BRCA1: variants seen among roughly 807,000 people sequenced by gnomAD.
The protein encoded by BRCA1 is breast cancer type 1 susceptibility protein.
BRCA1 carries 140 observed loss-of-function variants against 173.7 expected under a neutral mutation model. That is an observed-to-expected ratio of 0.81 (90% confidence interval 0.70 to 0.93). BRCA1 has a LOEUF of 0.93. BRCA1 is among the 40% of genes least tolerant of loss of function. The probability of loss-of-function intolerance (pLI) is 0.00; values close to 1 mark genes in which losing one functional copy is unlikely to be tolerated. For missense variants in BRCA1, 1,983 were observed against 2,172.5 expected, an observed-to-expected ratio of 0.91 and a Z score of 1.73; for synonymous variants, 662 against 756.0, an observed-to-expected ratio of 0.88 and a Z score of 2.04.
At chr17:43,153,322 AATT>A (rs779494548) in intron 1 of BRCA1, among the ~76,000 whole-genome samples, 6 of 152,208 alleles carry the variant, frequency 3.9e-5, no homozygotes, top group African/African-American at 1.4e-4. Flanking sequence ...GTCCTTTAAA[AATT>A]AACTGCCTGT....
intron 16 of BRCA1, among the ~76,000 whole-genome samples, chr17:43,066,270 ATC>A (rs1337773299): frequency 3.9e-5 from 6 of 152,190 alleles, no homozygotes; most frequent in East Asian, 3.9e-4. Context: ...AGGACAAATG[ATC>A]TGTCTCCTCC....
At chr17:43,078,585 A>G (rs2052851021) in intron 12 of BRCA1, among the ~76,000 whole-genome samples, 1 of 152,268 alleles carries the variant, frequency 6.6e-6, no homozygotes, top group Non-Finnish European at 1.5e-5. Context: ...TAGAAAAGCT[A>G]AAAGCCATAA....
At chr17:43,128,087 G>A (rs2055930581), upstream of BRCA1, among the ~76,000 whole-genome samples, 1 of 150,448 alleles carries the variant, frequency 6.6e-6, no homozygotes, top group African/African-American at 2.5e-5. Context: ...AACCCGCTCT[G>A]GTCTCCTTCC....
chr17:43,091,358 G>A (rs1202440692), intron 10 of BRCA1, 77 bp downstream of exon 10: 4 of 1,557,442 alleles, frequency 2.6e-6, no homozygotes, highest in Non-Finnish European at 8.9e-7. Context: ...TTTGTAAAAT[G>A]TGCTCCCCAA....
intron 11 of BRCA1, among the ~76,000 whole-genome samples, chr17:43,088,440 G>A (rs1018027255): frequency 6.6e-6 from 1 of 151,512 alleles, no homozygotes; most frequent in African/African-American, 2.4e-5. Flanking sequence ...GTAACCAAAT[G>A]TAACTATTCT....
chr17:43,100,620 C>CAT lies in BRCA1; in HGVS notation c.442-742_442-741dup, dbSNP rs796230530. On this transcript the variant is annotated intron_variant, in intron 6 of 22. Coordinates refer to ENST00000357654, the MANE Select transcript of BRCA1 (RefSeq NM_007294.4). Reference sequence around the variant, plus strand: ...TTATATATATATAACATATATATAACATATATATATGTTATATATATATAA... The same window carrying CAT: ...TTATATATATATAACATATATATAACATATATATATATGTTATATATATATAA... Among the ~76,000 whole-genome samples, 19 of 11,940 alleles carry CAT rather than the reference C, an allele frequency of 1.6e-3. 2 individuals carry two copies. The highest frequency in any genetic ancestry group is 2.2e-3 in the Non-Finnish European group (7 of 3,198). The allele number at this position is 11,940 out of a possible 152,430, so 7.8% of individuals were successfully genotyped here.
chr17:43,161,912 T>C (rs1479531301), intron 1 of BRCA1: 1 of 152,196 alleles, frequency 6.6e-6, no homozygotes, highest in African/African-American at 2.4e-5. Context: ...ATTTCTTGTT[T>C]TTCCTGGAAA....
intron 1 of BRCA1, among the ~76,000 whole-genome samples, chr17:43,151,129 G>A (rs1352183641): frequency 1.3e-5 from 2 of 152,196 alleles, no homozygotes; most frequent in East Asian, 3.8e-4. Context: ...TAAGGCTAAT[G>A]TGACCTCATT....
chr17:43,066,809 A>G (rs534300096), intron 16 of BRCA1, among the ~76,000 whole-genome samples: 3 of 139,486 alleles, frequency 2.2e-5, no homozygotes, highest in East Asian at 4.1e-4. Context: ...CCACCCTCCA[A>G]ACCTTTTTTT....
Position 43,091,602 on chromosome 17 carries a change from G to A in BRCA1, c.3929C>T (p.Thr1310Ile), listed in dbSNP as rs80357257. 3 of 1,614,196 alleles carry A rather than the reference G, an allele frequency of 1.9e-6. No individual in the cohort carries two copies. The highest frequency in any genetic ancestry group is 4.5e-5 in the East Asian group (2 of 44,884). ...AATCAAGAAAGGATCCTGGGTGTTTGTATTTGCAGTCAAGTCTTCCAATTC... is the reference window on the plus strand; with the variant it reads ...AATCAAGAAAGGATCCTGGGTGTTTATATTTGCAGTCAAGTCTTCCAATTC... Reference protein sequence around the residue: ...CSELEDLTANTNTQDPFLIGS... With the variant: ...CSELEDLTANINTQDPFLIGS... The change falls in exon 10 of 23, where the codon ACA becomes ATA. Residue 1310 changes from threonine (T) to isoleucine (I), a missense_variant. Physicochemically the swap from Thr to Ile is moderately conservative, Grantham distance 89. Coordinates refer to ENST00000357654, the MANE Select transcript of BRCA1 (RefSeq NM_007294.4).
chr17:43,054,888 T>C (rs896698202), intron 19 of BRCA1, among the ~76,000 whole-genome samples: 1 of 151,956 alleles, frequency 6.6e-6, no homozygotes, highest in Non-Finnish European at 1.5e-5. Flanking sequence ...GAGCTAGGAT[T>C]ACAGGTGCCT....
In BRCA1 at chr17:43,094,615, T is replaced by C. The variant is rs1264744701; in HGVS notation, c.916A>G (p.Asn306Asp). ...RMNVEKAEFC[N>D]KSKQPGLARS... The stretch of plus-strand genomic sequence containing the variant: ...GCTAAGCCAGGCTGTTTGCTTTTAT[T>C]ACAGAATTCAGCCTTTTCTACATTC... The change falls in exon 10 of 23, where the codon AAT (asparagine) becomes GAT (aspartate). Residue 306 changes from asparagine (N) to aspartate (D), a missense_variant. Coordinates refer to ENST00000357654, the MANE Select transcript of BRCA1 (RefSeq NM_007294.4). 6.2e-7 allele frequency: 1 copy of C among 1,614,202 alleles called. No individual in the cohort carries two copies. Among genetic ancestry groups the C allele is most frequent in the East Asian group, 2.2e-5 (1 of 44,886 alleles).
rs201939410 is a variant in BRCA1, at chr17:43,159,070, TACAAACACACAC to T, written c.-20+11044_-20+11055del. Among the ~76,000 whole-genome samples the T allele has an allele frequency of 6.7e-3, 1,022 of 152,156 alleles. 7 individuals carry two copies. Among genetic ancestry groups the T allele is most frequent in the African/African-American group, 0.015 (612 of 41,502 alleles). ...GGCCAACATGGCAAAACCCTATATCTACAAACACACACACAAACACACACACACAAATTAGCT... is the reference window on the plus strand; with the variant it reads ...GGCCAACATGGCAAAACCCTATATCTACAAACACACACACACAAATTAGCT... On this transcript the variant is annotated intron_variant, in intron 1 of 7. Transcript: ENST00000634433.
At chr17:43,071,524 T>TGTTCACTGTAACAATGCTTGTAAG in intron 14 of BRCA1, among the ~76,000 whole-genome samples, 1 of 152,128 alleles carries the variant, frequency 6.6e-6, no homozygotes, top group East Asian at 1.9e-4. Flanking sequence ...GTCATAGGAA[T>TGTTCACTGTAACAATGCTTGTAAG]AGTATAATTT....
chr17:43,165,003 A>G (rs1192305378), intron 1 of BRCA1, among the ~76,000 whole-genome samples: 1 of 152,124 alleles, frequency 6.6e-6, no homozygotes, highest in Non-Finnish European at 1.5e-5. Context: ...TAGTTTTTAA[A>G]CCAAAGAAAG....
chr17:43,132,602 C>T (rs117309334), intron 1 of BRCA1: 2,985 of 151,120 alleles, frequency 0.02, 48 homozygotes, highest in South Asian at 0.035. Flanking sequence ...TTTTTAGAGA[C>T]GAAGTCTCGC....
chr17:43,070,823 C>T, intron 15 of BRCA1, 105 bp downstream of exon 15: 1 of 1,325,278 alleles, frequency 7.5e-7, no homozygotes, highest in Non-Finnish European at 1.1e-6. Context: ...TGATTGTTTT[C>T]TAGATTTCTT....
At chr17:43,109,836 A>G (rs2054958359) in intron 3 of BRCA1, among the ~76,000 whole-genome samples, 2 of 152,194 alleles carry the variant, frequency 1.3e-5, no homozygotes, top group Non-Finnish European at 2.9e-5. Context: ...TAGTCTATAC[A>G]ATTATATAAA....
chr17:43,143,034 GTATA>G (rs564545047), intron 1 of BRCA1, among the ~76,000 whole-genome samples: 11 of 149,108 alleles, frequency 7.4e-5, no homozygotes, highest in Non-Finnish European at 1.0e-4. Flanking sequence ...ATATATGTGT[GTATA>G]TATATGTATA....
Sources: gnomAD v4.1 joint callset for allele counts (sites outside exome capture counted in the v4.1 genomes callset) on GRCh38, gnomAD v4.1.1 for gene constraint, MANE v1.5 for transcripts, NCBI Gene and HGNC (gene_info 2026-07-23, HGNC 2026-07-21) for gene names.